GAD1: variants seen among roughly 807,000 people sequenced by gnomAD.
The protein encoded by GAD1 is 67 kDa glutamic acid decarboxylase.
In GAD1, 35 loss-of-function variants were observed where a neutral mutation model predicts 75.2. The ratio of observed to expected loss-of-function variants is 0.47; its 90% CI spans 0.36 to 0.62. The LOEUF (loss-of-function observed/expected upper bound fraction) is 0.62. Ranked by LOEUF, GAD1 falls within the 20% of genes least tolerant of loss-of-function variation. GAD1 has a pLI of 0.00. For synonymous variants in GAD1, 257 were observed against 271.9 expected, an observed-to-expected ratio of 0.95 and a Z score of 0.54; for missense variants, 490 against 758.5, an observed-to-expected ratio of 0.65 and a Z score of 4.16.
Position 170,854,036 on chromosome 2 carries a change from A to T in GAD1, c.1413+14A>T. ...TGGAAAGCAAAGGTATGAAGGGAAT[A>T]GTTCAGGAAATAGAGCAGAAATGTA... On this transcript the variant is annotated intron_variant, in intron 14 of 16. Coordinates refer to ENST00000358196, the MANE Select transcript of GAD1 (RefSeq NM_000817.3). The T allele has an allele frequency of 1.2e-6, 2 of 1,614,140 alleles. No homozygotes were observed. Among genetic ancestry groups the T allele is most frequent in the Non-Finnish European group, 1.7e-6 (2 of 1,179,982 alleles).
chr2:170,834,761 CATTCTT>C (rs1702327348), intron 5 of GAD1, among the ~76,000 whole-genome samples: 1 of 146,198 alleles, frequency 6.8e-6, no homozygotes, highest in Admixed American at 6.9e-5. Context: ...CATAAATATT[CATTCTT>C]TTTTTTTTTT....
Position 170,835,292 on chromosome 2 carries a change from A to T in GAD1, c.548-1501A>T, listed in dbSNP as rs527868075. Among the ~76,000 whole-genome samples the T allele has an allele frequency of 3.3e-5, 5 of 152,174 alleles. 1 individual carries two copies. In the East Asian group the frequency reaches 9.6e-4, roughly 29 times the overall value. ...GTTTGCCTTGTCTCCTAATCAAGAG[A>T]TCTCCCCCTCCAACTCTTCTTTTTT... On this transcript the variant is annotated intron_variant, in intron 5 of 16. Transcript: ENST00000358196.
chr2:170,846,062 A>G lies in GAD1; in HGVS notation c.1001A>G (p.Lys334Arg), dbSNP rs773440295. Residue 334 changes from lysine to arginine, a missense_variant and splice_region_variant, in exon 10 of 17, where the codon AAG becomes AGG. This residue lies in a region of GAD1 where 324 missense variants were observed against 523.9 expected (regional missense o/e 0.62). Coordinates refer to ENST00000358196, the MANE Select transcript of GAD1 (RefSeq NM_000817.3). ...GCAAAAATTCTTGAAGCCAAACAGAAGGTATGTACTCCGTGGTGCATCTGA... is the reference window on the plus strand; with the variant it reads ...GCAAAAATTCTTGAAGCCAAACAGAGGGTATGTACTCCGTGGTGCATCTGA... ...FEAKILEAKQKGYVPFYVNAT... is the reference protein window; with the variant it reads ...FEAKILEAKQRGYVPFYVNAT... The G allele has an allele frequency of 2.5e-6, 4 of 1,612,530 alleles. No homozygotes were observed. Among genetic ancestry groups the G allele is most frequent in the Non-Finnish European group, 3.4e-6 (4 of 1,178,658 alleles).
chr2:170,822,301 C>A, intron 3 of GAD1, 152 bp downstream of exon 3: 1 of 718,096 alleles, frequency 1.4e-6, no homozygotes, highest in Non-Finnish European at 2.4e-6. Context: ...GACCACGCTC[C>A]CCTACAGGCC....
chr2:170,828,508 T>C (rs1702104205), intron 3 of GAD1, among the ~76,000 whole-genome samples: 1 of 136,430 alleles, frequency 7.3e-6, no homozygotes, highest in Non-Finnish European at 1.6e-5. Flanking sequence ...CTTGATCTCC[T>C]CCCTCTGCTG....
chr2:170,844,401 T>C (rs1292202174), intron 7 of GAD1, among the ~76,000 whole-genome samples: 2 of 146,990 alleles, frequency 1.4e-5, no homozygotes. Context: ...CCATTTTTTC[T>C]TTTTTCTTTT....
At chr2:170,855,872 CAAAAAAAAAAAA>C (rs71008727) in intron 14 of GAD1, among the ~76,000 whole-genome samples, 2,012 of 111,806 alleles carry the variant, frequency 0.018, 42 homozygotes, top group Non-Finnish European at 0.025. Context: ...GACTCCATCT[CAAAAAAAAAAAA>C]AAAAAAAAAA....
chr2:170,827,923 C>A (rs1400181719), intron 3 of GAD1, among the ~76,000 whole-genome samples: 1 of 152,138 alleles, frequency 6.6e-6, no homozygotes, highest in African/African-American at 2.4e-5. Context: ...AGAAAAGCTG[C>A]ATTCAGGTTT....
At position 170,852,776 on chromosome 2, in the gene GAD1, T is replaced by G; in HGVS notation, c.1247T>G (p.Ile416Ser). ...MMGVLLQCSA[I>S]LVKEKGILQG... ...GGCGTGCTGTTGCAGTGCTCTGCCA[T>G]TCTCGTCAAGGAAAAGGTCTGTACT... Residue 416 changes from isoleucine to serine, a missense_variant, in exon 13 of 17, where the codon ATT (isoleucine) becomes AGT (serine). Transcript: ENST00000358196. The G allele has an allele frequency of 6.2e-7, 1 of 1,614,156 alleles. No individual in the cohort carries two copies. Among genetic ancestry groups the G allele is most frequent in the Non-Finnish European group, 8.5e-7 (1 of 1,180,000 alleles).
At chr2:170,827,285 C>G (rs756268204) in intron 3 of GAD1, among the ~76,000 whole-genome samples, 4 of 152,220 alleles carry the variant, frequency 2.6e-5, no homozygotes, top group Admixed American at 1.3e-4. Context: ...TTGGGACTTT[C>G]TTCCAAGTCT....
intron 3 of GAD1, among the ~76,000 whole-genome samples, chr2:170,825,048 G>T (rs1184028863): frequency 1.3e-5 from 2 of 152,100 alleles, no homozygotes; most frequent in East Asian, 3.9e-4. Context: ...AAAACTTGGG[G>T]GTGGGCAATG....
At chr2:170,840,216 C>A (rs1488970509) in intron 6 of GAD1, among the ~76,000 whole-genome samples, 1 of 152,198 alleles carries the variant, frequency 6.6e-6, no homozygotes, top group Non-Finnish European at 1.5e-5. Context: ...CTAGCGTATA[C>A]AAGGTACAGT....
chr2:170,854,530 A>T (rs1040862640), intron 14 of GAD1, among the ~76,000 whole-genome samples: 1 of 151,378 alleles, frequency 6.6e-6, no homozygotes, highest in African/African-American at 2.4e-5. Context: ...CCTCCAGAGT[A>T]GCTGGGACTA....
At chr2:170,852,622 C>A in intron 12 of GAD1, 92 bp from the exon 13 acceptor site, 4 of 1,045,250 alleles carry the variant, frequency 3.8e-6, no homozygotes, top group Non-Finnish European at 6.0e-6. Flanking sequence ...ATAATATTTA[C>A]TAACTTGAGT....
chr2:170,850,577 C>A (rs1471392406), intron 12 of GAD1, among the ~76,000 whole-genome samples: 1 of 152,132 alleles, frequency 6.6e-6, no homozygotes, highest in Non-Finnish European at 1.5e-5. Flanking sequence ...CAGGGAGAGC[C>A]CGCCCAGGGC....
intron 15 of GAD1, 95 bp from the exon 16 acceptor site, chr2:170,858,709 C>T: frequency 9.3e-7 from 1 of 1,079,984 alleles, no homozygotes; most frequent in Non-Finnish European, 1.4e-6. Flanking sequence ...TTTCTTTGGT[C>T]CAAGAGACTT....
At chr2:170,821,551 C>T (rs1701880904) in intron 2 of GAD1, among the ~76,000 whole-genome samples, 1 of 152,254 alleles carries the variant, frequency 6.6e-6, no homozygotes, top group African/African-American at 2.4e-5. Context: ...TACTATTTTT[C>T]ACCCAATTAA....
chr2:170,853,000 ATCAGTAC>A, intron 13 of GAD1: 1 of 642,400 alleles, frequency 1.6e-6, no homozygotes, highest in Admixed American at 2.3e-5. Context: ...TTCTTCTTTG[ATCAGTAC>A]TCAGGGTCTG....
At chr2:170,828,343 T>A in intron 3 of GAD1, among the ~76,000 whole-genome samples, 1 of 120,306 alleles carries the variant, frequency 8.3e-6, no homozygotes, top group African/African-American at 3.3e-5. Context: ...GTCATCTTCC[T>A]CCCTCTGCTG....
Sources: gnomAD v4.1 joint callset for allele counts (sites outside exome capture counted in the v4.1 genomes callset) on GRCh38, gnomAD v4.1.1 for gene constraint, gnomAD v4.1.1 regional missense constraint, MANE v1.5 for transcripts, NCBI Gene and HGNC (gene_info 2026-07-23, HGNC 2026-07-21) for gene names.